Variants in RBM26 observed in about 807,000 individuals in gnomAD.
RBM26 encodes RNA-binding protein 26.
Under a neutral mutation model 123.6 loss-of-function variants are expected in RBM26, and 30 were observed. The ratio of observed to expected loss-of-function variants is 0.24; its 90% CI spans 0.18 to 0.33. The LOEUF (loss-of-function observed/expected upper bound fraction) is 0.33, where lower values mean the gene tolerates loss of function less well. Ranked by LOEUF, RBM26 falls within the 10% of genes least tolerant of loss-of-function variation. RBM26 has a pLI of 1.00. For synonymous variants in RBM26, 400 were observed against 404.4 expected, an observed-to-expected ratio of 0.99 and a Z score of 0.13; for missense variants, 947 against 1,203.6, an observed-to-expected ratio of 0.79 and a Z score of 3.15.
intron 10 of RBM26, 29 bp from the exon 11 acceptor site, chr13:79,358,462 C>T (rs768446747): frequency 5.1e-6 from 8 of 1,583,272 alleles, no homozygotes; most frequent in Non-Finnish European, 6.0e-6. Flanking sequence ...TTAGTCAATA[C>T]ATTTATAAAT....
downstream of RBM26, chr13:79,314,499 CA>C (rs974160514): frequency 2.0e-4 from 30 of 151,924 alleles, no homozygotes; most frequent in African/African-American, 7.2e-4. Context: ...ATCATCTATT[CA>C]AAATTATTTT....
intron 6 of RBM26, among the ~76,000 whole-genome samples, chr13:79,368,017 TTTTA>T (rs1254675947): frequency 2.4e-4 from 1 of 4,150 alleles, no homozygotes; most frequent in Non-Finnish European, 4.0e-3. Context: ...CTTCAATTCT[TTTTA>T]TTTTTTTATT....
At position 79,319,353 on chromosome 13, in the gene RBM26, C is replaced by T. The variant is rs530484630; in HGVS notation, c.*1268G>A. 6.2e-5 allele frequency: 61 copies of T among 983,408 alleles called. No homozygotes were observed. In the African/African-American group the frequency reaches 1.0e-3, roughly 17 times the overall value. 60.9% of individuals were successfully genotyped at this position (983,408 alleles called of 1,614,324 possible). A position where few individuals can be genotyped will look rare whatever the true frequency, so the allele number is the denominator to read the frequency against. On this transcript the variant is annotated 3_prime_UTR_variant, in exon 22 of 22. Coordinates refer to ENST00000438737, the MANE Select transcript of RBM26 (RefSeq NM_001366735.2). ...GAATTTGAAAATATAAATATGTAAT[C>T]TCCCACCCCCATTCTACAAAGAATG... is the stretch of plus-strand genomic sequence containing the variant.
chr13:79,394,238 A>G (rs1347977722), intron 1 of RBM26, among the ~76,000 whole-genome samples: 1 of 152,022 alleles, frequency 6.6e-6, no homozygotes, highest in East Asian at 1.9e-4. Flanking sequence ...TTCCAGCCCC[A>G]TGGCTGAGTT....
Position 79,357,607 on chromosome 13 carries a change from C to G in RBM26, c.1689+667G>C, listed in dbSNP as rs750966570. 5.4e-4 allele frequency among the ~76,000 whole-genome samples: 82 copies of G among 152,220 alleles called. No homozygotes were observed. The Middle Eastern group carries it at 0.01, about 19-fold the overall frequency. On this transcript the variant is annotated intron_variant, in intron 11 of 21. Coordinates refer to ENST00000438737, the MANE Select transcript of RBM26 (RefSeq NM_001366735.2). ...AAACTAATTACAGATTACAAGGTAT[C>G]TGGGCCCCAAAAGTCTCTATTAAGT...
chr13:79,393,811 T>C (rs1002417629), intron 1 of RBM26, among the ~76,000 whole-genome samples: 3 of 152,176 alleles, frequency 2.0e-5, no homozygotes, highest in Admixed American at 2.0e-4. Flanking sequence ...ACGAGAATGA[T>C]AGGGTTAAAG....
intron 1 of RBM26, among the ~76,000 whole-genome samples, chr13:79,405,462 A>T (rs1365367378): frequency 6.6e-6 from 1 of 152,012 alleles, no homozygotes; most frequent in Non-Finnish European, 1.5e-5. Flanking sequence ...TGGGGGTTGG[A>T]GACGGTCTAT....
At chr13:79,390,990 C>A (rs1219596662) in intron 1 of RBM26, among the ~76,000 whole-genome samples, 1 of 152,236 alleles carries the variant, frequency 6.6e-6, no homozygotes, top group East Asian at 1.9e-4. Context: ...CATCTCAAAT[C>A]CCTGGGAAAA....
intron 3 of RBM26, among the ~76,000 whole-genome samples, chr13:79,375,081 T>TATATATAAATATATATTTATATATC (rs1555332794): frequency 1.6e-3 from 169 of 104,330 alleles, no homozygotes; most frequent in African/African-American, 2.8e-3. Flanking sequence ...TTATATGATA[T>TATATATAAATATATATTTATATATC]ATATAAATAT....
Position 79,402,182 on chromosome 13 carries a change from G to GA in RBM26, c.71+3521dup, listed in dbSNP as rs1161119552. Among the ~76,000 whole-genome samples the GA allele has an allele frequency of 2.6e-5, 4 of 151,730 alleles. No homozygotes were observed. In the East Asian group the frequency reaches 7.7e-4, roughly 29 times the overall value. On this transcript the variant is annotated intron_variant, in intron 1 of 21. Coordinates refer to ENST00000438737, the MANE Select transcript of RBM26 (RefSeq NM_001366735.2). ...TTCTCATCATCAAAACGAAATGTTA[G>GA]AAAAAAGACTAACATTTAGTTTCAT...
At chr13:79,322,957 TGTAAA>T (rs1473931829) in intron 20 of RBM26, among the ~76,000 whole-genome samples, 1 of 151,464 alleles carries the variant, frequency 6.6e-6, no homozygotes, top group African/African-American at 2.4e-5. Context: ...ATTTTGCATG[TGTAAA>T]GTATATTATT....
rs17789602 is a variant in RBM26 at position 79,334,756 on chromosome 13, C to G, written c.2734-326G>C. Among the ~76,000 whole-genome samples, 1,145 of 152,174 alleles carry G rather than the reference C, an allele frequency of 7.5e-3. 9 individuals are homozygous for G. The highest frequency in any genetic ancestry group is 0.013 in the Non-Finnish European group (850 of 67,934). On this transcript the variant is annotated intron_variant, in intron 19 of 21. Transcript: ENST00000438737. ...AACTTTCCTCTTATACTCACTAAACCAATCCCAAGATAAACTCTTTCTTAA... is the reference window on the plus strand; with the variant it reads ...AACTTTCCTCTTATACTCACTAAACGAATCCCAAGATAAACTCTTTCTTAA...
At chr13:79,368,532 A>C (rs540561931) in intron 6 of RBM26, among the ~76,000 whole-genome samples, 198 bp downstream of exon 6, 8 of 152,362 alleles carry the variant, frequency 5.3e-5, no homozygotes, top group Non-Finnish European at 8.8e-5. Flanking sequence ...TTGCAAATAA[A>C]TACTACCTTT....
intron 1 of RBM26, among the ~76,000 whole-genome samples, chr13:79,399,574 G>GC (rs1398892819): frequency 1.3e-5 from 2 of 152,116 alleles, no homozygotes; most frequent in Non-Finnish European, 2.9e-5. Flanking sequence ...TTTCTTAAAG[G>GC]CAAGCTAAAA....
intron 3 of RBM26, 108 bp downstream of exon 3, chr13:79,377,271 G>T: frequency 2.4e-6 from 2 of 821,440 alleles, no homozygotes; most frequent in Non-Finnish European, 3.9e-6. Flanking sequence ...ATTTAAACTG[G>T]GAGTGGTCCT....
chr13:79,403,134 T>G (rs1293586670), intron 1 of RBM26, among the ~76,000 whole-genome samples: 1 of 152,014 alleles, frequency 6.6e-6, no homozygotes, highest in Non-Finnish European at 1.5e-5. Flanking sequence ...TCATAACATT[T>G]CACAAAACCA....
intron 9 of RBM26, among the ~76,000 whole-genome samples, chr13:79,364,316 T>C (rs941203757): frequency 3.3e-5 from 5 of 152,190 alleles, no homozygotes; most frequent in South Asian, 2.1e-4. Flanking sequence ...ATCTGATAGC[T>C]AGCTTCCAAT....
chr13:79,394,185 C>T (rs1431412662), intron 1 of RBM26, among the ~76,000 whole-genome samples: 1 of 152,228 alleles, frequency 6.6e-6, no homozygotes, highest in Non-Finnish European at 1.5e-5. Context: ...CTAACTGGAA[C>T]TGCCGCTCTG....
At chr13:79,352,483 A>T (rs1285363782) in intron 14 of RBM26, among the ~76,000 whole-genome samples, 1 of 151,704 alleles carries the variant, frequency 6.6e-6, no homozygotes, top group Non-Finnish European at 1.5e-5. Context: ...AAAAAATAAC[A>T]TCTACACAGA....
Sources: gnomAD v4.1 joint callset for allele counts (sites outside exome capture counted in the v4.1 genomes callset) on GRCh38, gnomAD v4.1.1 for gene constraint, MANE v1.5 for transcripts, NCBI Gene and HGNC (gene_info 2026-07-23, HGNC 2026-07-21) for gene names.